The following CLP1 variants were observed in gnomAD, a reference collection of about 807,000 sequenced individuals.
CLP1 encodes the protein polyribonucleotide 5'-hydroxyl-kinase Clp1.
In CLP1, 18 loss-of-function variants were observed where a neutral mutation model predicts 29.9. The ratio of observed to expected loss-of-function variants is 0.60; its 90% confidence interval spans 0.42 to 0.89. CLP1 has a LOEUF of 0.89. Ranked by LOEUF, CLP1 falls within the 40% of genes least tolerant of loss-of-function variation. The pLI is 0.00. For missense variants in CLP1, 357 were observed against 544.8 expected, an observed-to-expected ratio of 0.66 and a Z score of 3.43; for synonymous variants, 162 against 206.2, an observed-to-expected ratio of 0.79 and a Z score of 1.84.
chr11:57,659,200 T>C (rs1469640570), intron 1 of CLP1, among the ~76,000 whole-genome samples: 1 of 151,860 alleles, frequency 6.6e-6, no homozygotes, highest in Admixed American at 6.6e-5. Flanking sequence ...TCTCCTGCCT[T>C]GGCCTCCCAA....
At position 57,659,239 on chromosome 11, in the gene CLP1, A is replaced by G. The variant is rs525645; in HGVS notation, c.-22-216A>G. Among the ~76,000 whole-genome samples, 6,707 of 151,224 alleles carry G rather than the reference A, an allele frequency of 0.044. 481 individuals carry two copies. Among genetic ancestry groups the G allele is most frequent in the African/African-American group, 0.15 (6,196 of 41,092 alleles). On this transcript the variant is annotated intron_variant, in intron 1 of 2. Transcript: ENST00000533682. ...GCTGGGATTACAGGCACCCTCCACCATGCCCGGCTAATTTTTTTTTTGTAT... is the reference window on the plus strand; with the variant it reads ...GCTGGGATTACAGGCACCCTCCACCGTGCCCGGCTAATTTTTTTTTTGTAT...
rs1945852682 is a variant in CLP1 at position 57,659,438 on chromosome 11, T to C, written c.-22-17T>C. Reference sequence around the variant, plus strand: ...GACTGACTTATAATTAGATCTGATATTTAATTTGTGTTCTAGGCACAGCAG... The same window carrying C: ...GACTGACTTATAATTAGATCTGATACTTAATTTGTGTTCTAGGCACAGCAG... On this transcript the variant is annotated splice_polypyrimidine_tract_variant and intron_variant, in intron 1 of 2. Transcript: ENST00000533682. 1 of 1,609,104 alleles carries C rather than the reference T, an allele frequency of 6.2e-7. No individual in the cohort carries two copies. Among genetic ancestry groups the C allele is most frequent in the Non-Finnish European group, 8.5e-7 (1 of 1,176,752 alleles).
intron 2 of CLP1, 99 bp downstream of exon 2, chr11:57,660,181 T>A: frequency 3.2e-6 from 4 of 1,244,104 alleles, no homozygotes; most frequent in Non-Finnish European, 4.3e-6. Context: ...CAGCTGGTAT[T>A]TCTGCTGCAT....
chr11:57,661,549 T>A lies in CLP1; in HGVS notation c.*113T>A. The stretch of plus-strand genomic sequence containing the variant: ...GCCACCTGACCAGTAAACTGTGGAC[T>A]AGTAGAAAGTTCATATTCTACCTCT... On this transcript the variant is annotated 3_prime_UTR_variant, in exon 3 of 3. Transcript: ENST00000533682. 4 of 820,856 alleles carry A rather than the reference T, an allele frequency of 4.9e-6. No homozygotes were observed. Among genetic ancestry groups the A allele is most frequent in the Non-Finnish European group, 7.7e-6 (4 of 519,890 alleles). The allele number at this position is 820,856 out of a possible 1,614,324, so 50.8% of individuals were successfully genotyped here.
rs1945873654 is a variant in CLP1 at position 57,661,175 on chromosome 11, A to C, written c.1017A>C (p.Leu339Phe). The part of the protein sequence containing the change: ...VGAPTIPDSC[L>F]PLGMSQEDNQ... ...CACCCACCATCCCAGACTCCTGTTT[A>C]CCTTTGGGCATGTCTCAAGAGGATA... Residue 339 changes from leucine (L) to phenylalanine (F), a missense_variant, in exon 3 of 3, where the codon TTA becomes TTC. Physicochemically the swap from Leu to Phe is conservative, Grantham distance 22. Transcript: ENST00000533682. 1 of 1,614,016 alleles carries C rather than the reference A, an allele frequency of 6.2e-7. No homozygotes were observed. The highest frequency in any genetic ancestry group is 8.5e-7 in the Non-Finnish European group (1 of 1,180,042).
In CLP1 at chr11:57,661,845, A is replaced by G. The variant is rs1945880142; in HGVS notation, c.*409A>G. The G allele has an allele frequency of 5.0e-6, 1 of 198,926 alleles. No individual in the cohort carries two copies. The allele number at this position is 198,926 out of a possible 1,614,324, so 12.3% of individuals were successfully genotyped here. A position where few individuals can be genotyped will look rare whatever the true frequency, so the allele number is the denominator to read the frequency against. On this transcript the variant is annotated 3_prime_UTR_variant, in exon 3 of 3. Transcript: ENST00000533682. ...CAAACTTAAAAAAAATCATTTTAAT[A>G]AATATTTTTGCCATATCATAGAAGT...
chr11:57,659,984 C>T lies in CLP1; in HGVS notation c.508C>T (p.Arg170Trp), dbSNP rs1945859305. 2 of 1,613,368 alleles carry T rather than the reference C, an allele frequency of 1.2e-6. No homozygotes were observed. The highest frequency in any genetic ancestry group is 1.7e-6 in the Non-Finnish European group (2 of 1,179,704). Residue 170 changes from arginine (R) to tryptophan (W), a missense_variant, in exon 2 of 3, where the codon CGG becomes TGG. By Grantham distance (101) the Arg-to-Trp change is moderately radical. Transcript: ENST00000533682. ...TACCATGGGGGCCCTCTACATCGAG[C>T]GGCCTGCAGATGTCGAAGAGGGTTT... Reference protein sequence around the residue: ...PGTMGALYIERPADVEEGFSI... With the variant: ...PGTMGALYIEWPADVEEGFSI...
Position 57,659,733 on chromosome 11 carries a change from A to G in CLP1, c.257A>G (p.Lys86Arg), listed in dbSNP as rs368779092. Residue 86 changes from lysine (K) to arginine (R), a missense_variant, in exon 2 of 3, where the codon AAG becomes AGG. Physicochemically the swap from Lys to Arg is conservative, Grantham distance 26. Coordinates refer to ENST00000533682, the MANE Select transcript of CLP1 (RefSeq NM_006831.3). Reference protein sequence around the residue: ...SGRTEVAYVSKDTPMLLYLNT... With the variant: ...SGRTEVAYVSRDTPMLLYLNT... ...CGCACTGAGGTGGCTTATGTCTCCA[A>G]GGACACTCCTATGTTGCTTTACCTC... The G allele has an allele frequency of 4.3e-6, 7 of 1,614,132 alleles. No individual in the cohort carries two copies. In the East Asian group the frequency reaches 1.1e-4, roughly 26 times the overall value.
At position 57,661,275 on chromosome 11, in the gene CLP1, G is replaced by C. The variant is rs764507796; in HGVS notation, c.1117G>C (p.Gly373Arg). The change falls in exon 3 of 3, where the codon GGT (glycine) becomes CGT (arginine). Residue 373 changes from glycine (G) to arginine (R), a missense_variant. Gly to Arg is a moderately radical substitution (Grantham distance 125). Coordinates refer to ENST00000533682, the MANE Select transcript of CLP1 (RefSeq NM_006831.3). ...CCTACTGAGTGTTAGCACTGCCGAGGGTACAGAGGAGAACCTGTCCGAGAC... is the reference window on the plus strand; with the variant it reads ...CCTACTGAGTGTTAGCACTGCCGAGCGTACAGAGGAGAACCTGTCCGAGAC... ...HHLLSVSTAE[G>R]TEENLSETSV... The C allele has an allele frequency of 2.5e-6, 4 of 1,614,198 alleles. No homozygotes were observed. Among genetic ancestry groups the C allele is most frequent in the Middle Eastern group, 1.6e-4 (1 of 6,062 alleles).
Position 57,659,918 on chromosome 11 carries a change from G to A in CLP1, c.442G>A (p.Val148Met). The change falls in exon 2 of 3, where the codon GTG becomes ATG. Residue 148 changes from valine to methionine, a missense_variant. Val to Met is a conservative substitution (Grantham distance 21, BLOSUM62 1). Coordinates refer to ENST00000533682, the MANE Select transcript of CLP1 (RefSeq NM_006831.3). ...GCGTTTGGGCCGCCGTCCCACTTAT[G>A]TGGAGCTGGATGTGGGCCAGGGTTC... Reference protein sequence around the residue: ...AVRLGRRPTYVELDVGQGSVS... With the variant: ...AVRLGRRPTYMELDVGQGSVS... 6.2e-7 allele frequency: 1 copy of A among 1,614,228 alleles called. No individual in the cohort carries two copies. The highest frequency in any genetic ancestry group is 8.5e-7 in the Non-Finnish European group (1 of 1,180,038).
chr11:57,658,140 C>T (rs1945838973), intron 1 of CLP1, among the ~76,000 whole-genome samples: 6 of 152,188 alleles, frequency 3.9e-5, no homozygotes, highest in Admixed American at 3.9e-4. Context: ...TCGACAGCTT[C>T]AAAGGTTCAG....
chr11:57,660,649 A>G (rs1945866623), intron 2 of CLP1, 116 bp from the exon 3 acceptor site: 1 of 896,652 alleles, frequency 1.1e-6, no homozygotes, highest in Non-Finnish European at 1.7e-6. Flanking sequence ...GTGAGACTCC[A>G]TTTCAAAAAA....
chr11:57,659,493 A>G lies in CLP1; in HGVS notation c.17A>G (p.Asn6Ser). The change falls in exon 2 of 3, where the codon AAT becomes AGT. Residue 6 changes from asparagine to serine, a missense_variant. Coordinates refer to ENST00000533682, the MANE Select transcript of CLP1 (RefSeq NM_006831.3). ...ACAGAAGAGATGGGAGAAGAGGCTA[A>G]TGATGACAAGAAGCCAACCACTAAA... is the stretch of plus-strand genomic sequence containing the variant. MGEEA[N>S]DDKKPTTKFE... 6.2e-7 allele frequency: 1 copy of G among 1,614,190 alleles called. No individual in the cohort carries two copies. The highest frequency in any genetic ancestry group is 8.5e-7 in the Non-Finnish European group (1 of 1,180,026).
intron 2 of CLP1, among the ~76,000 whole-genome samples, chr11:57,660,426 G>T (rs765441408): frequency 6.6e-6 from 1 of 152,162 alleles, no homozygotes; most frequent in Non-Finnish European, 1.5e-5. Context: ...AGGCTGAGAC[G>T]GGTGGATCAC....
rs150037684 is a variant in CLP1, at chr11:57,659,905, C to T, written c.429C>T (p.Arg143=). 1 of 1,614,158 alleles carries T rather than the reference C, an allele frequency of 6.2e-7. No individual in the cohort carries two copies. The highest frequency in any genetic ancestry group is 1.1e-5 in the South Asian group (1 of 91,082). The change falls in exon 2 of 3, where the codon CGC becomes CGT. Residue 143 remains arginine, a synonymous_variant. Transcript: ENST00000533682. ...LLLNYAVRLG[R]RPTYVELDVG... is the part of the protein sequence containing the mutation. ...TCAACTACGCAGTGCGTTTGGGCCG[C>T]CGTCCCACTTATGTGGAGCTGGATG... is the stretch of plus-strand genomic sequence containing the variant.
At position 57,659,647 on chromosome 11, in the gene CLP1, T is replaced by C. The variant is rs749071756; in HGVS notation, c.171T>C (p.Phe57=). The C allele has an allele frequency of 6.2e-7, 1 of 1,614,118 alleles. No individual in the cohort carries two copies. The highest frequency in any genetic ancestry group is 2.2e-5 in the East Asian group (1 of 44,880). The change falls in exon 2 of 3, where the codon TTT becomes TTC. Residue 57 remains phenylalanine (F), a synonymous_variant. Transcript: ENST00000533682. ...TGACCCGAAACAAGAAATTCACCTT[T>C]GATGCTGGTGCCAAGGTGGCTGTTT... ...TELTRNKKFT[F]DAGAKVAVFT...
chr11:57,660,623 C>G, intron 2 of CLP1, 142 bp from the exon 3 acceptor site: 1 of 684,032 alleles, frequency 1.5e-6, no homozygotes, highest in Non-Finnish European at 2.4e-6. Context: ...CACTGCACTC[C>G]ATCCTGGGCA....
Position 57,659,760 on chromosome 11 carries a change from A to G in CLP1, c.284A>G (p.Asn95Ser), listed in dbSNP as rs200951285. 234 of 1,614,180 alleles carry G rather than the reference A, an allele frequency of 1.4e-4. No individual in the cohort carries two copies. The highest frequency in any genetic ancestry group is 5.0e-4 in the Admixed American group (30 of 60,020). The change falls in exon 2 of 3, where the codon AAC (asparagine) becomes AGC (serine). Residue 95 changes from asparagine (N) to serine (S), a missense_variant. By Grantham distance (46) the Asn-to-Ser change is conservative (BLOSUM62 1). Coordinates refer to ENST00000533682, the MANE Select transcript of CLP1 (RefSeq NM_006831.3). ...SKDTPMLLYL[N>S]THTALEQMRR... Reference sequence around the variant, plus strand: ...GACACTCCTATGTTGCTTTACCTCAACACTCACACAGCCTTGGAACAGATG... The same window carrying G: ...GACACTCCTATGTTGCTTTACCTCAGCACTCACACAGCCTTGGAACAGATG...
At chr11:57,658,197 G>A (rs1945839530) in intron 1 of CLP1, among the ~76,000 whole-genome samples, 1 of 152,220 alleles carries the variant, frequency 6.6e-6, no homozygotes, top group South Asian at 2.1e-4. Flanking sequence ...TTACAGAGAC[G>A]AGGATTAGGC....
Sources: gnomAD v4.1 joint callset for allele counts (sites outside exome capture counted in the v4.1 genomes callset) on GRCh38, gnomAD v4.1.1 for gene constraint, MANE v1.5 for transcripts, NCBI Gene and HGNC (gene_info 2026-07-23, HGNC 2026-07-21) for gene names.